EYS: variants seen among roughly 807,000 people sequenced by gnomAD.
The protein encoded by EYS is protein eyes shut homolog.
Under a neutral mutation model 282.1 loss-of-function variants are expected in EYS, and 250 were observed. The ratio of observed to expected loss-of-function variants is 0.89; its 90% confidence interval spans 0.80 to 0.98. The LOEUF (loss-of-function observed/expected upper bound fraction) is 0.98. Ranked by LOEUF, EYS falls within the 50% of genes least tolerant of loss-of-function variation. EYS has a pLI of 0.00. For missense variants in EYS, 4,016 were observed against 3,709.0 expected (o/e 1.08, Z -2.15); for synonymous variants, 1,355 against 1,282.9 (o/e 1.06, Z -1.20).
intron 21 of EYS, among the ~76,000 whole-genome samples, 171 bp downstream of exon 21, chr6:64,821,474 A>G (rs1362722316): frequency 6.6e-6 from 1 of 151,996 alleles, no homozygotes; most frequent in African/African-American, 2.4e-5. Context: ...AAAAGCCATG[A>G]TTTGTAGTTT....
chr6:64,469,641 G>T (rs546384073), intron 26 of EYS, among the ~76,000 whole-genome samples: 20 of 152,124 alleles, frequency 1.3e-4, no homozygotes, highest in Admixed American at 5.2e-4. Flanking sequence ...CAAGCGGACC[G>T]TAGTCTAGGG....
chr6:65,327,031 T>C (rs1279692388), intron 11 of EYS, among the ~76,000 whole-genome samples: 5 of 151,790 alleles, frequency 3.3e-5, no homozygotes, highest in Admixed American at 2.6e-4. Context: ...TTCCTCATTT[T>C]TTGACTTGTT....
rs9453253 is a variant in EYS, at chr6:65,314,417, A to G, written c.1767-18298T>C. Among the ~76,000 whole-genome samples, 1,086 of 145,140 alleles carry G rather than the reference A, an allele frequency of 7.5e-3. 13 individuals carry two copies. The highest frequency in any genetic ancestry group is 0.027 in the African/African-American group (1,041 of 38,650). On this transcript the variant is annotated intron_variant, in intron 11 of 42. Coordinates refer to ENST00000503581, the MANE Select transcript of EYS (RefSeq NM_001142800.2). ...AGCACTCAGAATAGTGCCTGTCACA[A>G]GAAATGGAGGGCACTCAACATATAT...
In EYS at chr6:65,605,344, A is replaced by G. The variant is rs1765749284; in HGVS notation, c.-333+34434T>C. On this transcript the variant is annotated intron_variant, in intron 2 of 42. Coordinates refer to ENST00000503581, the MANE Select transcript of EYS (RefSeq NM_001142800.2). ...TCATTGTCGATCACATTTATAAATT[A>G]AAATTAAATTGATATTTATTCTATT... Among the ~76,000 whole-genome samples the G allele has an allele frequency of 2.0e-5, 3 of 152,098 alleles. No individual in the cohort carries two copies. In the South Asian group the frequency reaches 6.2e-4, roughly 32 times the overall value.
chr6:65,426,437 A>C (rs1767666054), intron 5 of EYS, among the ~76,000 whole-genome samples: 1 of 152,006 alleles, frequency 6.6e-6, no homozygotes, highest in Admixed American at 6.6e-5. Flanking sequence ...TATTATCTTT[A>C]ATGTCTAAAA....
intron 1 of EYS, among the ~76,000 whole-genome samples, chr6:65,640,499 G>A (rs749115714): frequency 1.3e-5 from 2 of 152,086 alleles, no homozygotes; most frequent in Non-Finnish European, 2.9e-5. Context: ...GCTGTTGAAA[G>A]CAAAATCAGC....
At chr6:65,498,980 G>T (rs938713831) in intron 2 of EYS, among the ~76,000 whole-genome samples, 4 of 151,928 alleles carry the variant, frequency 2.6e-5, no homozygotes, top group African/African-American at 4.8e-5. Flanking sequence ...GGGCCAAGAA[G>T]TCCAGAAACC....
chr6:64,591,637 TA>T lies in EYS; in HGVS notation c.4229del (p.Leu1410TyrfsTer18). Reference sequence around the variant, plus strand: ...AAGCAACAGTCTGACAGTTCTCAAATAATAAAGATTGTGTAGGAAAAATAAA... The same window carrying T: ...AAGCAACAGTCTGACAGTTCTCAAATATAAAGATTGTGTAGGAAAAATAAA... The part of the protein sequence containing the change: ...SDFIFPTQSL[L>X]FENCQTVALS... On this transcript the variant is annotated frameshift_variant, in exon 26 of 43. Coordinates refer to ENST00000503581, the MANE Select transcript of EYS (RefSeq NM_001142800.2). LOFTEE classifies it high-confidence loss of function. 1 of 1,551,186 alleles carries T rather than the reference TA, an allele frequency of 6.4e-7. No homozygotes were observed. Among genetic ancestry groups the T allele is most frequent in the Non-Finnish European group, 8.7e-7 (1 of 1,146,710 alleles).
chr6:64,014,268 A>G (rs551077954), intron 33 of EYS, among the ~76,000 whole-genome samples: 28 of 152,300 alleles, frequency 1.8e-4, no homozygotes, highest in Admixed American at 5.2e-4. Flanking sequence ...ATTAGGTGGT[A>G]AATGAAAAGG....
Position 65,043,746 on chromosome 6 carries a change from C to CAT in EYS, c.2137+13866_2137+13867dup, listed in dbSNP as rs538771340. Among the ~76,000 whole-genome samples the CAT allele has an allele frequency of 6.4e-4, 96 of 150,852 alleles. 1 individual carries two copies. Among genetic ancestry groups the CAT allele is most frequent in the African/African-American group, 1.2e-3 (49 of 41,304 alleles). ...CTTTTTCAATAATATTTCATTTATG[C>CAT]ATATATATATATGACATTTTATTTA... is the stretch of plus-strand genomic sequence containing the variant. On this transcript the variant is annotated intron_variant, in intron 13 of 42. Coordinates refer to ENST00000503581, the MANE Select transcript of EYS (RefSeq NM_001142800.2).
At chr6:64,345,966 G>A (rs1321700007) in intron 29 of EYS, among the ~76,000 whole-genome samples, 3 of 152,072 alleles carry the variant, frequency 2.0e-5, no homozygotes, top group Non-Finnish European at 4.4e-5. Flanking sequence ...CATCATCACT[G>A]GCCATCAGAG....
chr6:63,860,575 T>C lies in EYS; in HGVS notation c.7228+3611A>G, dbSNP rs384196. Among the ~76,000 whole-genome samples, 620 of 152,354 alleles carry C rather than the reference T, an allele frequency of 4.1e-3. 4 individuals carry two copies. Among genetic ancestry groups the C allele is most frequent in the Non-Finnish European group, 4.4e-3 (299 of 68,028 alleles). On this transcript the variant is annotated intron_variant, in intron 36 of 42. Transcript: ENST00000503581. Reference sequence around the variant, plus strand: ...AGATCTGAGTGAAATCACGCACAAGTTGCCCACAGTGATGTTCAATGCCCT... The same window carrying C: ...AGATCTGAGTGAAATCACGCACAAGCTGCCCACAGTGATGTTCAATGCCCT...
intron 22 of EYS, among the ~76,000 whole-genome samples, chr6:64,709,367 A>T (rs149096080): frequency 1.2e-3 from 187 of 152,236 alleles, no homozygotes; most frequent in African/African-American, 4.4e-3. Context: ...CATTTGATGG[A>T]GTTCATTTCT....
chr6:64,226,417 T>G (rs529596608), intron 31 of EYS, among the ~76,000 whole-genome samples: 1 of 152,284 alleles, frequency 6.6e-6, no homozygotes, highest in Admixed American at 6.5e-5. Context: ...TTTATTTTAC[T>G]ATTTATAAAA....
intron 26 of EYS, among the ~76,000 whole-genome samples, chr6:64,577,970 A>G (rs1373603718): frequency 6.6e-6 from 1 of 152,132 alleles, no homozygotes; most frequent in African/African-American, 2.4e-5. Flanking sequence ...TGCATCAGAA[A>G]ATTACATTGA....
intron 36 of EYS, chr6:63,822,158 G>A (rs149987181): frequency 0.021 from 3,207 of 152,310 alleles, 45 homozygotes; most frequent in South Asian, 0.036. Flanking sequence ...CTGTTGCCCA[G>A]GCTGGAGTGC....
At chr6:64,511,679 T>C (rs1777408142) in intron 26 of EYS, among the ~76,000 whole-genome samples, 2 of 152,170 alleles carry the variant, frequency 1.3e-5, no homozygotes, top group Admixed American at 6.6e-5. Flanking sequence ...CTCTCAGAGA[T>C]AGGGTGTTTT....
At chr6:64,299,968 A>G (rs6454779) in intron 30 of EYS, among the ~76,000 whole-genome samples, 114,264 of 151,904 alleles carry the variant, frequency 0.75, 43,575 homozygotes, top group African/African-American at 0.89. Flanking sequence ...CGCTATCACC[A>G]GGCCAAAATA....
At chr6:65,582,111 G>A (rs1039231445) in intron 2 of EYS, among the ~76,000 whole-genome samples, 5 of 151,550 alleles carry the variant, frequency 3.3e-5, no homozygotes, top group African/African-American at 1.2e-4. Context: ...CAGGACAATC[G>A]CTTGAACCCA....
Sources: allele counts gnomAD v4.1 joint callset (sites outside exome capture counted in the v4.1 genomes callset), GRCh38; gene constraint gnomAD v4.1.1; transcripts MANE v1.5; gene names NCBI Gene and HGNC (gene_info 2026-07-23, HGNC 2026-07-21).